Variants in GRIFIN observed in about 807,000 individuals in gnomAD.
The protein encoded by GRIFIN is putative grifin.
Under a neutral mutation model 18.2 loss-of-function variants are expected in GRIFIN, and 22 were observed. That is an observed-to-expected ratio of 1.21 (90% CI 0.86 to 1.73). The LOEUF (loss-of-function observed/expected upper bound fraction) is 1.73. GRIFIN is among the 40% of genes most tolerant of loss of function. The pLI is 0.00. For synonymous variants in GRIFIN, 101 were observed against 82.8 expected (o/e 1.22, Z -1.19); for missense variants, 200 against 190.1 (o/e 1.05, Z -0.31).
At chr7:2,475,038 G>C (rs1042365514) in intron 4 of GRIFIN, 103 bp downstream of exon 4, 1 of 1,339,064 alleles carries the variant, frequency 7.5e-7, no homozygotes, top group African/African-American at 1.4e-5. Flanking sequence ...CCCTCCCCAG[G>C]CGGAGGAGGG....
rs1246976696 is a variant in GRIFIN at position 2,475,727 on chromosome 7, C to T, written c.194G>A (p.Arg65His). ...GCTAGACACCTGCTCCGGGCCCCAG[C>T]GGCCGTACTGGAAGGCATTGCCCAC... ...TVVGNAFQYG[R>H]WGPEQVSSIF... The change falls in exon 3 of 5, where the codon CGC becomes CAC. Residue 65 changes from arginine (R) to histidine (H), a missense_variant. Arg to His is a conservative substitution (Grantham distance 29, BLOSUM62 0). Coordinates refer to ENST00000614228, the MANE Select transcript of GRIFIN (RefSeq NM_001394787.1). 1.9e-6 allele frequency: 3 copies of T among 1,554,752 alleles called. No homozygotes were observed. Among genetic ancestry groups the T allele is most frequent in the South Asian group, 1.2e-5 (1 of 85,944 alleles).
At chr7:2,476,295 G>T in intron 1 of GRIFIN, 77 bp downstream of exon 1, 1 of 1,473,728 alleles carries the variant, frequency 6.8e-7, no homozygotes, top group Non-Finnish European at 9.2e-7. Context: ...CCATCTCTGT[G>T]CAGAGAGAGC....
chr7:2,475,264 G>A lies in GRIFIN; in HGVS notation c.296C>T (p.Pro99Leu), dbSNP rs759932965. ...WDAEHFHVYA[P>L]EHKVLQFPCR... The stretch of plus-strand genomic sequence containing the variant: ...TGGGAACTGTAGCACCTTGTGCTCC[G>A]GGGCGTAGACGTGGAAGTGCTCCGC... The change falls in exon 4 of 5, where the codon CCG becomes CTG. Residue 99 changes from proline (P) to leucine (L), a missense_variant. Physicochemically the swap from Pro to Leu is moderately conservative, Grantham distance 98. Coordinates refer to ENST00000614228, the MANE Select transcript of GRIFIN (RefSeq NM_001394787.1). The A allele has an allele frequency of 2.1e-5, 34 of 1,596,710 alleles. No homozygotes were observed. In the Admixed American group the frequency reaches 2.3e-4, roughly 11 times the overall value.
Position 2,476,357 on chromosome 7 carries a change from C to G in GRIFIN, c.12+15G>C, listed in dbSNP as rs1778963183. 1 of 1,574,406 alleles carries G rather than the reference C, an allele frequency of 6.4e-7. No homozygotes were observed. Among genetic ancestry groups the G allele is most frequent in the Non-Finnish European group, 8.6e-7 (1 of 1,169,216 alleles). ...CTGCACCGTTCTCCTTCTCCAGGTCCAGGGTCTCACCCACCTGCACTGCCA... is the reference window on the plus strand; with the variant it reads ...CTGCACCGTTCTCCTTCTCCAGGTCGAGGGTCTCACCCACCTGCACTGCCA... On this transcript the variant is annotated intron_variant, in intron 1 of 4. Transcript: ENST00000614228.
In GRIFIN at chr7:2,476,397, C is replaced by A; in HGVS notation, c.-14G>T. The A allele has an allele frequency of 6.5e-7, 1 of 1,547,742 alleles. No individual in the cohort carries two copies. Among genetic ancestry groups the A allele is most frequent in the Non-Finnish European group, 8.7e-7 (1 of 1,152,556 alleles). Reference sequence around the variant, plus strand: ...CTGCACTGCCATCTGCTCCCAGCCACTGTGGGAGGGCGCGGGGAGCCTGGG... The same window carrying A: ...CTGCACTGCCATCTGCTCCCAGCCAATGTGGGAGGGCGCGGGGAGCCTGGG... On this transcript the variant is annotated 5_prime_UTR_variant, in exon 1 of 5. Transcript: ENST00000614228.
Position 2,475,179 on chromosome 7 carries a change from C to T in GRIFIN, c.381G>A (p.Leu127=). 6.3e-7 allele frequency: 1 copy of T among 1,592,210 alleles called. No individual in the cohort carries two copies. The highest frequency in any genetic ancestry group is 8.5e-7 in the Non-Finnish European group (1 of 1,177,046). The change falls in exon 4 of 5, where the codon CTG becomes CTA. Residue 127 remains leucine (L), a synonymous_variant. Coordinates refer to ENST00000614228, the MANE Select transcript of GRIFIN (RefSeq NM_001394787.1). ...CCCTCTTGGCCAGCTCCACCTGGGCCAGGCAGTGGTCACTCAGCACGCGCA... is the reference window on the plus strand; with the variant it reads ...CCCTCTTGGCCAGCTCCACCTGGGCTAGGCAGTGGTCACTCAGCACGCGCA... The part of the protein sequence containing the change: ...TRVRVLSDHC[L]AQVELAKRGL...
chr7:2,475,809 A>G lies in GRIFIN; in HGVS notation c.112T>C (p.Leu38=), dbSNP rs772276948. The change falls in exon 3 of 5, where the codon TTG becomes CTG. Residue 38 remains leucine (L), a synonymous_variant. Transcript: ENST00000614228. ...TGGAAGGCAATGTCCCCCGTCTCCA[A>G]CAAGAAGTTAGTCTCGAACCTGGGG... The part of the protein sequence containing the change: ...GEDRFETNFL[L]ETGDIAFHIK... 1.3e-6 allele frequency: 2 copies of G among 1,573,298 alleles called. No homozygotes were observed. The highest frequency in any genetic ancestry group is 1.1e-5 in the South Asian group (1 of 89,296).
intron 3 of GRIFIN, 28 bp downstream of exon 3, chr7:2,475,641 G>A (rs2115490988): frequency 1.4e-6 from 2 of 1,459,516 alleles, no homozygotes; most frequent in Middle Eastern, 1.8e-4. Flanking sequence ...TCCCTGCCTA[G>A]CCCAGGCCCC....
In GRIFIN at chr7:2,475,299, G is replaced by C; in HGVS notation, c.261C>G (p.Val87=). 6.3e-7 allele frequency: 1 copy of C among 1,592,920 alleles called. No homozygotes were observed. The highest frequency in any genetic ancestry group is 1.1e-5 in the South Asian group (1 of 89,992). Residue 87 remains valine (V), a synonymous_variant, in exon 4 of 5, where the codon GTC becomes GTG. Transcript: ENST00000614228. ...CGTGGAAGTGCTCCGCGTCCCAGCTGACCTCTATCTGGGCAGGCTGGGGCC... is the reference window on the plus strand; with the variant it reads ...CGTGGAAGTGCTCCGCGTCCCAGCTCACCTCTATCTGGGCAGGCTGGGGCC... ...LAPGEPFEIE[V]SWDAEHFHVY...
rs780379749 is a variant in GRIFIN at position 2,475,797 on chromosome 7, C to G, written c.124G>C (p.Asp42His). 3 of 1,572,954 alleles carry G rather than the reference C, an allele frequency of 1.9e-6. No individual in the cohort carries two copies. In the East Asian group the frequency reaches 6.8e-5, roughly 36 times the overall value. Residue 42 changes from aspartate (D) to histidine (H), a missense_variant, in exon 3 of 5, where the codon GAC (aspartate) becomes CAC (histidine). By Grantham distance (81) the Asp-to-His change is moderately conservative (BLOSUM62 -1). Transcript: ENST00000614228. ...FETNFLLETG[D>H]IAFHIKPRFS... ...CGGGGCTTGATGTGGAAGGCAATGT[C>G]CCCCGTCTCCAACAAGAAGTTAGTC...
chr7:2,475,191 ACTCAGCACGCGCACCCTGGTGGTGGCG>A lies in GRIFIN; in HGVS notation c.342_368del (p.Ala115_Ser123del), dbSNP rs753432424. On this transcript the variant is annotated inframe_deletion, in exon 4 of 5. Transcript: ENST00000614228. ...GCTCCACCTGGGCCAGGCAGTGGTC[ACTCAGCACGCGCACCCTGGTGGTGGCG>A]CCCAGCGGCCTCTGACGGCATGGGA... 3 of 1,594,166 alleles carry A rather than the reference ACTCAGCACGCGCACCCTGGTGGTGGCG, an allele frequency of 1.9e-6. No homozygotes were observed. The South Asian group carries it at 3.3e-5, about 18-fold the overall frequency.
Position 2,476,265 on chromosome 7 carries a change from G to A in GRIFIN, c.12+107C>T, listed in dbSNP as rs531986318. 13 of 1,351,028 alleles carry A rather than the reference G, an allele frequency of 9.6e-6. No homozygotes were observed. In the African/African-American group the frequency reaches 1.2e-4, roughly 12 times the overall value. 83.7% of individuals were successfully genotyped at this position (1,351,028 alleles called of 1,614,324 possible). ...CGCCCTCTCAGCCCTGAGATCTGAT[G>A]AGAGGCCAGAGCCCATACCCCATCT... On this transcript the variant is annotated intron_variant, in intron 1 of 4. Coordinates refer to ENST00000614228, the MANE Select transcript of GRIFIN (RefSeq NM_001394787.1).
In GRIFIN at chr7:2,475,662, C is replaced by T. The variant is rs909291501; in HGVS notation, c.252+7G>A. On this transcript the variant is annotated splice_region_variant and intron_variant, in intron 3 of 4. Coordinates refer to ENST00000614228, the MANE Select transcript of GRIFIN (RefSeq NM_001394787.1). ...CCTAGCCCAGGCCCCACCCAGGCCC[C>T]TGTCACCTCAAAGGGCTCCCCCGGG... 2.2e-5 allele frequency: 32 copies of T among 1,486,452 alleles called. No homozygotes were observed. The Admixed American group carries it at 3.6e-4, about 17-fold the overall frequency. 92.1% of individuals were successfully genotyped at this position (1,486,452 alleles called of 1,614,324 possible).
rs780379749 is a variant in GRIFIN at position 2,475,797 on chromosome 7, C to T, written c.124G>A (p.Asp42Asn). The T allele has an allele frequency of 1.3e-6, 2 of 1,572,954 alleles. No homozygotes were observed. The highest frequency in any genetic ancestry group is 1.7e-6 in the Non-Finnish European group (2 of 1,161,916). ...CGGGGCTTGATGTGGAAGGCAATGT[C>T]CCCCGTCTCCAACAAGAAGTTAGTC... The part of the protein sequence containing the change: ...FETNFLLETG[D>N]IAFHIKPRFS... Residue 42 changes from aspartate (D) to asparagine (N), a missense_variant, in exon 3 of 5, where the codon GAC becomes AAC. Asp to Asn is a conservative substitution (Grantham distance 23). Coordinates refer to ENST00000614228, the MANE Select transcript of GRIFIN (RefSeq NM_001394787.1).
In GRIFIN at chr7:2,475,706, G is replaced by A; in HGVS notation, c.215C>T (p.Ser72Phe). ...CCCCGGGGCCAGCGGGAAGATGCTA[G>A]ACACCTGCTCCGGGCCCCAGCGGCC... The part of the protein sequence containing the change: ...QYGRWGPEQV[S>F]SIFPLAPGEP... Residue 72 changes from serine to phenylalanine, a missense_variant, in exon 3 of 5, where the codon TCT becomes TTT. By Grantham distance (155) the Ser-to-Phe change is radical. Coordinates refer to ENST00000614228, the MANE Select transcript of GRIFIN (RefSeq NM_001394787.1). 1.9e-6 allele frequency: 3 copies of A among 1,544,076 alleles called. No homozygotes were observed. The highest frequency in any genetic ancestry group is 2.6e-6 in the Non-Finnish European group (3 of 1,149,116).
intron 1 of GRIFIN, 25 bp downstream of exon 1, chr7:2,476,347 T>TC (rs897776262): frequency 1.5e-5 from 24 of 1,567,396 alleles, no homozygotes; most frequent in Non-Finnish European, 2.1e-5. Flanking sequence ...CCGTTCTCCT[T>TC]CTCCAGGTCC....
At position 2,475,687 on chromosome 7, in the gene GRIFIN, G is replaced by A. The variant is rs1778949514; in HGVS notation, c.234C>T (p.Ala78=). ...PEQVSSIFPL[A]PGEPFEIEVS... ...CTGTCACCTCAAAGGGCTCCCCCGGGGCCAGCGGGAAGATGCTAGACACCT... is the reference window on the plus strand; with the variant it reads ...CTGTCACCTCAAAGGGCTCCCCCGGAGCCAGCGGGAAGATGCTAGACACCT... Residue 78 remains alanine, a synonymous_variant, in exon 3 of 5, where the codon GCC becomes GCT. Coordinates refer to ENST00000614228, the MANE Select transcript of GRIFIN (RefSeq NM_001394787.1). 1.3e-6 allele frequency: 2 copies of A among 1,523,120 alleles called. No individual in the cohort carries two copies. The highest frequency in any genetic ancestry group is 1.8e-6 in the Non-Finnish European group (2 of 1,135,822). 94.4% of individuals were successfully genotyped at this position (1,523,120 alleles called of 1,614,324 possible).
chr7:2,476,075 C>T (rs1454397372), intron 1 of GRIFIN, 76 bp from the exon 2 acceptor site: 62 of 1,221,838 alleles, frequency 5.1e-5, no homozygotes, highest in Non-Finnish European at 1.9e-5. Context: ...CCACCCTATC[C>T]CATCTGTCCA....
chr7:2,475,262 C>CA lies in GRIFIN; in HGVS notation c.297_298insT (p.Glu100Ter). The CA allele has an allele frequency of 6.3e-7, 1 of 1,597,080 alleles. No individual in the cohort carries two copies. Among genetic ancestry groups the CA allele is most frequent in the Non-Finnish European group, 8.5e-7 (1 of 1,179,020 alleles). Reference sequence around the variant, plus strand: ...CATGGGAACTGTAGCACCTTGTGCTCCGGGGCGTAGACGTGGAAGTGCTCC... The same window carrying CA: ...CATGGGAACTGTAGCACCTTGTGCTCACGGGGCGTAGACGTGGAAGTGCTCC... On this transcript the variant is annotated frameshift_variant, in exon 4 of 5. Transcript: ENST00000614228. LOFTEE classifies it high-confidence loss of function.
Sources: gnomAD v4.1 joint callset for allele counts on GRCh38, gnomAD v4.1.1 for gene constraint, MANE v1.5 for transcripts, NCBI Gene and HGNC (gene_info 2026-07-23, HGNC 2026-07-21) for gene names.